Variants in SPOCK3 observed in about 807,000 individuals in gnomAD.
SPOCK3 encodes testican-3.
A neutral mutation model predicts 56.6 loss-of-function variants in SPOCK3; 30 were observed. That is an observed-to-expected ratio of 0.53 (90% CI 0.40 to 0.72). SPOCK3 has a LOEUF of 0.72. Among genes scored for constraint, SPOCK3 ranks in the 30% least tolerant of loss-of-function variants. SPOCK3 has a pLI of 0.00. For synonymous variants in SPOCK3, 196 were observed against 183.3 expected (o/e 1.07, Z -0.56); for missense variants, 527 against 530.0 (o/e 0.99, Z 0.06).
At chr4:166,906,310 A>G (rs1158133668) in intron 5 of SPOCK3, among the ~76,000 whole-genome samples, 1 of 152,004 alleles carries the variant, frequency 6.6e-6, no homozygotes, top group African/African-American at 2.4e-5. Context: ...GATGCTATAA[A>G]CGATTCTGCA....
chr4:167,228,009 A>G (rs1736770797), intron 2 of SPOCK3, among the ~76,000 whole-genome samples: 1 of 152,194 alleles, frequency 6.6e-6, no homozygotes, highest in Admixed American at 6.5e-5. Context: ...AATCATCTCA[A>G]GTTATAAGAT....
At chr4:167,025,664 T>C (rs1376337522) in intron 3 of SPOCK3, among the ~76,000 whole-genome samples, 1 of 151,994 alleles carries the variant, frequency 6.6e-6, no homozygotes, top group African/African-American at 2.4e-5. Context: ...CCCAAACTAG[T>C]ACAAACAAAA....
chr4:167,088,966 G>T (rs924294639), intron 2 of SPOCK3, among the ~76,000 whole-genome samples: 5 of 151,914 alleles, frequency 3.3e-5, no homozygotes, highest in African/African-American at 1.2e-4. Context: ...CATAGATGTG[G>T]TTATTGCATA....
At chr4:166,899,298 C>CTATCTATG (rs1735772815) in intron 5 of SPOCK3, among the ~76,000 whole-genome samples, 1 of 149,008 alleles carries the variant, frequency 6.7e-6, no homozygotes, top group African/African-American at 2.5e-5. Context: ...ATCTATCTAT[C>CTATCTATG]TATGTACCCT....
At chr4:167,105,546 G>A in intron 2 of SPOCK3, among the ~76,000 whole-genome samples, 1 of 136,902 alleles carries the variant, frequency 7.3e-6, no homozygotes, top group Middle Eastern at 4.1e-3. Context: ...AACCAAGGAA[G>A]AGAGACCACA....
Position 167,159,700 on chromosome 4 carries a change from C to G in SPOCK3, c.189+74285G>C, listed in dbSNP as rs572230999. ...CAAAAAGCTTATCCACCATGATCAA[C>G]TGGGCTTCATCCCTGGGATGCAAGG... is the stretch of plus-strand genomic sequence containing the variant. On this transcript the variant is annotated intron_variant, in intron 2 of 10. Coordinates refer to ENST00000357545, the MANE Select transcript of SPOCK3 (RefSeq NM_001040159.2). Among the ~76,000 whole-genome samples the G allele has an allele frequency of 2.1e-3, 319 of 152,136 alleles. 1 individual carries two copies. The highest frequency in any genetic ancestry group is 7.4e-3 in the African/African-American group (307 of 41,558).
At position 167,169,448 on chromosome 4, in the gene SPOCK3, C is replaced by T. The variant is rs371026861; in HGVS notation, c.189+64537G>A. Among the ~76,000 whole-genome samples the T allele has an allele frequency of 1.5e-4, 23 of 152,280 alleles. No homozygotes were observed. The South Asian group carries it at 1.7e-3, about 11-fold the overall frequency. On this transcript the variant is annotated intron_variant, in intron 2 of 10. Transcript: ENST00000357545. ...GAGATCATTTTGGAGCTTTAAGAAT[C>T]GACTGCCCTGTTGGATTTCAGACTT...
chr4:166,942,482 A>C (rs372289385), intron 4 of SPOCK3, among the ~76,000 whole-genome samples: 12 of 151,526 alleles, frequency 7.9e-5, no homozygotes, highest in African/African-American at 2.7e-4. Flanking sequence ...AAAAAAAAAA[A>C]AAAACAAAAG....
chr4:167,088,463 T>TC (rs1221064922), intron 2 of SPOCK3, among the ~76,000 whole-genome samples: 3 of 78,352 alleles, frequency 3.8e-5, no homozygotes, highest in Non-Finnish European at 7.0e-5. Flanking sequence ...TATGAAAACT[T>TC]TTTTTTTTTT....
chr4:167,078,365 TGTG>T, intron 2 of SPOCK3, among the ~76,000 whole-genome samples: 1 of 100,552 alleles, frequency 9.9e-6, no homozygotes. Context: ...TGTGTGTGTG[TGTG>T]TTTGCAGAGG....
chr4:167,135,680 C>CGTGTGTGTGT lies in SPOCK3; in HGVS notation c.190-73153_190-73144dup, dbSNP rs57918767. Reference sequence around the variant, plus strand: ...ATATTATTTATTGTCCTATATAAAACGTGTGTGTGTGTGTGTGTGTGTGTG... The same window carrying CGTGTGTGTGT: ...ATATTATTTATTGTCCTATATAAAACGTGTGTGTGTGTGTGTGTGTGTGTGTGTGTGTGTG... On this transcript the variant is annotated intron_variant, in intron 2 of 10. Transcript: ENST00000357545. 3.0e-3 allele frequency among the ~76,000 whole-genome samples: 442 copies of CGTGTGTGTGT among 147,768 alleles called. 2 individuals are homozygous for CGTGTGTGTGT. The highest frequency in any genetic ancestry group is 7.2e-3 in the South Asian group (33 of 4,558).
At chr4:166,890,509 A>G (rs1464109541) in intron 5 of SPOCK3, among the ~76,000 whole-genome samples, 2 of 151,838 alleles carry the variant, frequency 1.3e-5, no homozygotes, top group African/African-American at 4.8e-5. Flanking sequence ...GACACATGAT[A>G]TTTTCATTTG....
chr4:167,117,657 A>C (rs977336347), intron 2 of SPOCK3, among the ~76,000 whole-genome samples: 6 of 152,170 alleles, frequency 3.9e-5, no homozygotes, highest in Non-Finnish European at 7.4e-5. Flanking sequence ...GCAGAGCAGC[A>C]GGGTGGGAAG....
chr4:166,897,304 A>G (rs944086405), intron 5 of SPOCK3, among the ~76,000 whole-genome samples: 1 of 152,128 alleles, frequency 6.6e-6, no homozygotes, highest in Non-Finnish European at 1.5e-5. Context: ...GAGCAGAGAC[A>G]CTGGCAGCCT....
chr4:166,951,947 C>T (rs1473999669), intron 4 of SPOCK3, among the ~76,000 whole-genome samples: 2 of 152,172 alleles, frequency 1.3e-5, no homozygotes, highest in East Asian at 3.9e-4. Flanking sequence ...ATAATAAGAG[C>T]TATCTATGAC....
chr4:166,828,940 G>A (rs1745749337), intron 6 of SPOCK3, among the ~76,000 whole-genome samples: 1 of 151,916 alleles, frequency 6.6e-6, no homozygotes, highest in Non-Finnish European at 1.5e-5. Flanking sequence ...TGAAAAGAAC[G>A]ATGATGCATC....
At chr4:166,735,938 C>T (rs201746101) in intron 10 of SPOCK3, among the ~76,000 whole-genome samples, 1 of 69,492 alleles carries the variant, frequency 1.4e-5, no homozygotes, top group Non-Finnish European at 3.3e-5. Context: ...TTAAAAATAA[C>T]TATTAACACT....
chr4:167,067,150 A>G (rs1354414106), intron 2 of SPOCK3, among the ~76,000 whole-genome samples: 1 of 151,764 alleles, frequency 6.6e-6, no homozygotes, highest in Non-Finnish European at 1.5e-5. Flanking sequence ...AAAGAGTAAT[A>G]CTCAGGCATT....
intron 4 of SPOCK3, among the ~76,000 whole-genome samples, chr4:166,970,681 T>C (rs1297200699): frequency 6.6e-6 from 1 of 150,750 alleles, no homozygotes. Flanking sequence ...ACTGAGATTG[T>C]GCCACTGCAC....
Sources: allele counts gnomAD v4.1 joint callset (sites outside exome capture counted in the v4.1 genomes callset), GRCh38; gene constraint gnomAD v4.1.1; transcripts MANE v1.5; gene names NCBI Gene and HGNC (gene_info 2026-07-23, HGNC 2026-07-21).